DIDO1: variants seen among roughly 807,000 people sequenced by gnomAD.
DIDO1 encodes death-inducer obliterator 1.
DIDO1 carries 16 observed loss-of-function variants against 99.4 expected under a neutral mutation model. The ratio of observed to expected loss-of-function variants is 0.16; its 90% confidence interval spans 0.11 to 0.24. DIDO1 has a LOEUF of 0.24. Ranked by LOEUF, DIDO1 falls within the 10% of genes least tolerant of loss-of-function variation. The pLI is 1.00. For synonymous variants in DIDO1, 1,366 were observed against 1,239.1 expected, an observed-to-expected ratio of 1.10 and a Z score of -2.15; for missense variants, 2,996 against 3,014.0, an observed-to-expected ratio of 0.99 and a Z score of 0.14.
Position 62,888,270 on chromosome 20 carries a change from C to T in DIDO1, c.3541+2690G>A, listed in dbSNP as rs574925653. On this transcript the variant is annotated intron_variant, in intron 15 of 15. Coordinates refer to ENST00000395343, the MANE Select transcript of DIDO1 (RefSeq NM_001193369.2). Reference sequence around the variant, plus strand: ...TGTGGTATAAACTGAGGCACATGGACGAGTCAGTCACTCTTTTCTGCGTGA... The same window carrying T: ...TGTGGTATAAACTGAGGCACATGGATGAGTCAGTCACTCTTTTCTGCGTGA... 2.1e-5 allele frequency: 21 copies of T among 985,494 alleles called. No homozygotes were observed. The African/African-American group carries it at 2.8e-4, about 13-fold the overall frequency. 61.0% of individuals were successfully genotyped at this position (985,494 alleles called of 1,614,324 possible). A position where few individuals can be genotyped will look rare whatever the true frequency, so the allele number is the denominator to read the frequency against.
At chr20:62,927,526 G>T (rs1021066710), upstream of DIDO1, among the ~76,000 whole-genome samples, 5 of 152,200 alleles carry the variant, frequency 3.3e-5, no homozygotes, top group African/African-American at 9.6e-5. Flanking sequence ...AGGGACCTGG[G>T]GGGGGTGGAG....
chr20:62,911,495 C>T lies in DIDO1; in HGVS notation c.118G>A (p.Ala40Thr), dbSNP rs770464399. The T allele has an allele frequency of 6.6e-5, 106 of 1,612,502 alleles. No individual in the cohort carries two copies. Among genetic ancestry groups the T allele is most frequent in the Non-Finnish European group, 8.4e-5 (99 of 1,179,380 alleles). ...AGTGGGTCAGCCTCCGCGTCCCCTGCGCCCTCTCGCTTGGCGATAGTGGTC... is the reference window on the plus strand; with the variant it reads ...AGTGGGTCAGCCTCCGCGTCCCCTGTGCCCTCTCGCTTGGCGATAGTGGTC... ...RRTTIAKREG[A>T]GDAEADPLEP... Residue 40 changes from alanine to threonine, a missense_variant, in exon 3 of 16, where the codon GCA becomes ACA. By Grantham distance (58) the Ala-to-Thr change is moderately conservative (BLOSUM62 0). This residue lies in a region of DIDO1 where 388 missense variants were observed against 376.6 expected (regional missense o/e 1.03). Coordinates refer to ENST00000395343, the MANE Select transcript of DIDO1 (RefSeq NM_001193369.2). This position sits in a 1 kb window ranked among gnomAD's most constrained non-coding sequence, Gnocchi z 7.0.
chr20:62,882,166 G>A lies in DIDO1; in HGVS notation c.3790C>T (p.Pro1264Ser), dbSNP rs1057508149. The A allele has an allele frequency of 1.9e-6, 3 of 1,613,158 alleles. No individual in the cohort carries two copies. Among genetic ancestry groups the A allele is most frequent in the Admixed American group, 3.3e-5 (2 of 60,004 alleles). ...ACCGGTGGTTCTGGAAGAGGGGGCG[G>A]AGGCGGCGGCGACCCAGGAGGTGTG... ...STTPPGSPPP[P>S]PPLPEPPVLK... The change falls in exon 16 of 16, where the codon CCG becomes TCG. Residue 1264 changes from proline to serine, a missense_variant. By Grantham distance (74) the Pro-to-Ser change is moderately conservative. Around this residue, in one of 5 missense-constraint regions of DIDO1, gnomAD observed 1,562 missense variants for 1,412.6 expected, o/e 1.11. Transcript: ENST00000395343.
chr20:62,887,883 G>A lies in DIDO1; in HGVS notation c.3541+3077C>T, dbSNP rs977861849. ...AGGCCTCCCAGCTGCCCCCCACCGT[G>A]ATGCTGAGTTACAGAGAGTGCCCCC... On this transcript the variant is annotated intron_variant, in intron 15 of 15. Coordinates refer to ENST00000395343, the MANE Select transcript of DIDO1 (RefSeq NM_001193369.2). 9 of 985,416 alleles carry A rather than the reference G, an allele frequency of 9.1e-6. No homozygotes were observed. In the African/African-American group the frequency reaches 1.6e-4, roughly 17 times the overall value. 61.0% of individuals were successfully genotyped at this position (985,416 alleles called of 1,614,324 possible). A position where few individuals can be genotyped will look rare whatever the true frequency, so the allele number is the denominator to read the frequency against.
At chr20:62,925,315 T>C (rs2065231236) in intron 1 of DIDO1, among the ~76,000 whole-genome samples, 1 of 152,208 alleles carries the variant, frequency 6.6e-6, no homozygotes, top group African/African-American at 2.4e-5. Context: ...AAAAAGACTG[T>C]ATTTACTCCT....
chr20:62,937,081 C>T (rs955708137), intron 1 of DIDO1, among the ~76,000 whole-genome samples: 1 of 152,228 alleles, frequency 6.6e-6, no homozygotes, highest in Non-Finnish European at 1.5e-5. Flanking sequence ...GTAGACCGAC[C>T]GACATAGCTT....
rs954406348 is a variant in DIDO1 at position 62,911,838 on chromosome 20, T to C, written c.-2-224A>G. Among the ~76,000 whole-genome samples, 1 of 152,184 alleles carries C rather than the reference T, an allele frequency of 6.6e-6. No individual in the cohort carries two copies. Among genetic ancestry groups the C allele is most frequent in the South Asian group, 2.1e-4 (1 of 4,838 alleles). ...TAAACAACTAACGTTTAGACAAAAA[T>C]ACAGCTAACAAATCAAATGTACAAT... On this transcript the variant is annotated intron_variant, in intron 2 of 15. Coordinates refer to ENST00000395343, the MANE Select transcript of DIDO1 (RefSeq NM_001193369.2). This position sits in a 1 kb window ranked among gnomAD's most constrained non-coding sequence, Gnocchi z 7.0.
Position 62,896,775 on chromosome 20 carries a change from G to C in DIDO1, c.1810C>G (p.Pro604Ala), listed in dbSNP as rs1442666857. The change falls in exon 7 of 16, where the codon CCA (proline) becomes GCA (alanine). Residue 604 changes from proline (P) to alanine (A), a missense_variant. Physicochemically the swap from Pro to Ala is conservative, Grantham distance 27 (BLOSUM62 -1). This residue lies in a region of DIDO1 where 898 missense variants were observed against 972.7 expected (regional missense o/e 0.92). Transcript: ENST00000395343. The surrounding 1 kb of genome is among the most constrained non-coding windows in gnomAD (Gnocchi z 4.4). ...CTGGCAGCTGAAGCACCACTCGATG[G>C]GGTAGCGGAGAGCCATGGCCTCTTG... The part of the protein sequence containing the change: ...IPKRPWLSAT[P>A]SSGASAARQA... 2 of 1,613,992 alleles carry C rather than the reference G, an allele frequency of 1.2e-6. No individual in the cohort carries two copies. The highest frequency in any genetic ancestry group is 1.7e-6 in the Non-Finnish European group (2 of 1,180,038).
intron 12 of DIDO1, 81 bp downstream of exon 12, chr20:62,893,585 C>T: frequency 6.9e-7 from 1 of 1,447,630 alleles, no homozygotes; most frequent in Non-Finnish European, 9.2e-7. Context: ...CCAAGTTCAA[C>T]TATTTAATCA....
intron 15 of DIDO1, chr20:62,890,025 C>G: frequency 3.0e-6 from 3 of 985,266 alleles, no homozygotes; most frequent in South Asian, 9.4e-5. Context: ...CCCCAGCTAG[C>G]TAGGGTGCGG....
intron 6 of DIDO1, among the ~76,000 whole-genome samples, chr20:62,902,930 C>T (rs1487462625): frequency 1.3e-5 from 2 of 151,872 alleles, no homozygotes; most frequent in Non-Finnish European, 2.9e-5. Flanking sequence ...TATCAAATAC[C>T]ATCTCAAAAT....
chr20:62,881,307 G>C lies in DIDO1; in HGVS notation c.4649C>G (p.Pro1550Arg), dbSNP rs931618797. 2 of 1,604,962 alleles carry C rather than the reference G, an allele frequency of 1.2e-6. No homozygotes were observed. Among genetic ancestry groups the C allele is most frequent in the Non-Finnish European group, 1.7e-6 (2 of 1,179,888 alleles). ...QSADKPASLPPASQASNHRDP... is the reference protein window; with the variant it reads ...QSADKPASLPRASQASNHRDP... The stretch of plus-strand genomic sequence containing the variant: ...CCTGTGGTTTGACGCCTGGCTGGCG[G>C]GGGGCAGTGAGGCGGGCTTGTCTGC... The change falls in exon 16 of 16, where the codon CCC (proline) becomes CGC (arginine). Residue 1550 changes from proline (P) to arginine (R), a missense_variant. Pro to Arg is a moderately radical substitution (Grantham distance 103). This residue lies in a region of DIDO1 where 1,562 missense variants were observed against 1,412.6 expected (regional missense o/e 1.11). Coordinates refer to ENST00000395343, the MANE Select transcript of DIDO1 (RefSeq NM_001193369.2). This position sits in a 1 kb window ranked among gnomAD's most constrained non-coding sequence, Gnocchi z 8.3.
Position 62,882,319 on chromosome 20 carries a change from C to T in DIDO1, c.3637G>A (p.Glu1213Lys). The T allele has an allele frequency of 1.2e-6, 2 of 1,614,036 alleles. No homozygotes were observed. The highest frequency in any genetic ancestry group is 2.2e-5 in the South Asian group (2 of 91,086). ...ANSGELDKMD[E>K]KRTRLQPEEA... ...TCCGGTTGAAGTCGGGTCCGCTTTT[C>T]GTCCATCTTGTCTAACTCTCCACTG... is the stretch of plus-strand genomic sequence containing the variant. Residue 1213 changes from glutamate to lysine, a missense_variant, in exon 16 of 16, where the codon GAA (glutamate) becomes AAA (lysine). This residue lies in a region of DIDO1 where 1,562 missense variants were observed against 1,412.6 expected (regional missense o/e 1.11). Transcript: ENST00000395343.
At chr20:62,926,314 G>A (rs1568890802) in intron 1 of DIDO1, 125 bp downstream of exon 1, 1 of 151,616 alleles carries the variant, frequency 6.6e-6, no homozygotes, top group Non-Finnish European at 1.5e-5. Flanking sequence ...CGGCGGGAGC[G>A]GCCTGTGCGG....
chr20:62,881,141 G>A lies in DIDO1; in HGVS notation c.4815C>T (p.Pro1605=), dbSNP rs2064196793. ...ASRGGLVGQA[P]MPVPEEKEPA... is the part of the protein sequence containing the mutation. ...GCTCTTTTTCCTCCGGGACTGGCAT[G>A]GGCGCCTGGCCCACGAGGCCACCCC... is the stretch of plus-strand genomic sequence containing the variant. The change falls in exon 16 of 16, where the codon CCC becomes CCT. Residue 1605 remains proline (P), a synonymous_variant. Transcript: ENST00000395343. This position sits in a 1 kb window ranked among gnomAD's most constrained non-coding sequence, Gnocchi z 8.3. 3.1e-6 allele frequency: 5 copies of A among 1,608,514 alleles called. No homozygotes were observed. The highest frequency in any genetic ancestry group is 4.2e-6 in the Non-Finnish European group (5 of 1,179,492).
intron 1 of DIDO1, among the ~76,000 whole-genome samples, chr20:62,921,129 C>G (rs1206808239): frequency 6.6e-6 from 1 of 152,188 alleles, no homozygotes; most frequent in Non-Finnish European, 1.5e-5. Flanking sequence ...CTCCTGACCT[C>G]AGGTGATCCG....
Position 62,881,306 on chromosome 20 carries a change from G to T in DIDO1, c.4650C>A (p.Pro1550=), listed in dbSNP as rs781004976. 28 of 1,604,148 alleles carry T rather than the reference G, an allele frequency of 1.7e-5. No individual in the cohort carries two copies. The highest frequency in any genetic ancestry group is 2.2e-5 in the Non-Finnish European group (26 of 1,179,578). ...QSADKPASLP[P]ASQASNHRDP... ...CCCTGTGGTTTGACGCCTGGCTGGCGGGGGGCAGTGAGGCGGGCTTGTCTG... is the reference window on the plus strand; with the variant it reads ...CCCTGTGGTTTGACGCCTGGCTGGCTGGGGGCAGTGAGGCGGGCTTGTCTG... The change falls in exon 16 of 16, where the codon CCC becomes CCA. Residue 1550 remains proline, a synonymous_variant. Transcript: ENST00000395343. This position sits in a 1 kb window ranked among gnomAD's most constrained non-coding sequence, Gnocchi z 8.3.
chr20:62,882,372 A>C lies in DIDO1; in HGVS notation c.3584T>G (p.Ile1195Ser). ...TGCGGGACGTTTGATTTTTTGGCAGATTACTAACCCAAGAATTATATTCGG... is the reference window on the plus strand; with the variant it reads ...TGCGGGACGTTTGATTTTTTGGCAGCTTACTAACCCAAGAATTATATTCGG... ...PRPNIILGLV[I>S]CQKIKRPANS... is the part of the protein sequence containing the mutation. The change falls in exon 16 of 16, where the codon ATC becomes AGC. Residue 1195 changes from isoleucine (I) to serine (S), a missense_variant. Physicochemically the swap from Ile to Ser is moderately radical, Grantham distance 142. Coordinates refer to ENST00000395343, the MANE Select transcript of DIDO1 (RefSeq NM_001193369.2). 6.2e-7 allele frequency: 1 copy of C among 1,613,856 alleles called. No individual in the cohort carries two copies. The highest frequency in any genetic ancestry group is 8.5e-7 in the Non-Finnish European group (1 of 1,179,944).
chr20:62,887,548 G>T, intron 15 of DIDO1: 1 of 985,454 alleles, frequency 1.0e-6, no homozygotes, highest in Non-Finnish European at 1.2e-6. Context: ...AACAGACTGT[G>T]CACCCATGTT....
Sources: allele counts gnomAD v4.1 joint callset (sites outside exome capture counted in the v4.1 genomes callset), GRCh38; gene constraint gnomAD v4.1.1; regional missense constraint gnomAD v4.1.1; non-coding constraint Gnocchi (gnomAD v3.1); transcripts MANE v1.5; gene names NCBI Gene and HGNC (gene_info 2026-07-23, HGNC 2026-07-21).